The following THADA variants were observed in gnomAD, a reference collection of about 807,000 sequenced individuals.
THADA encodes THADA armadillo repeat containing.
Under a neutral mutation model 219.8 loss-of-function variants are expected in THADA, and 213 were observed. The ratio of observed to expected loss-of-function variants is 0.97; its 90% CI spans 0.87 to 1.09. The LOEUF is 1.09. THADA is among the 50% of genes least tolerant of loss of function. The pLI, the probability that THADA is intolerant of heterozygous loss-of-function variation, is 0.00. For synonymous variants in THADA, 1,018 were observed against 828.9 expected, an observed-to-expected ratio of 1.23 and a Z score of -3.92; for missense variants, 2,956 against 2,311.3, an observed-to-expected ratio of 1.28 and a Z score of -5.72.
intron 29 of THADA, among the ~76,000 whole-genome samples, chr2:43,385,503 A>C (rs1384647682): frequency 1.3e-5 from 2 of 150,388 alleles, no homozygotes; most frequent in African/African-American, 4.9e-5. Flanking sequence ...GTTACTCGGA[A>C]GTCTGAGGCA....
intron 20 of THADA, among the ~76,000 whole-genome samples, chr2:43,548,402 C>T (rs1340185701): frequency 6.6e-6 from 1 of 152,240 alleles, no homozygotes; most frequent in African/African-American, 2.4e-5. Flanking sequence ...TCAAAGCTGT[C>T]AGACAGGGAC....
chr2:43,359,570 C>T (rs1185389057), intron 29 of THADA, among the ~76,000 whole-genome samples: 1 of 152,174 alleles, frequency 6.6e-6, no homozygotes, highest in African/African-American at 2.4e-5. Context: ...ATCCCAGCTT[C>T]TTGAGAGGCT....
intron 28 of THADA, among the ~76,000 whole-genome samples, chr2:43,400,964 TCAAGCC>T (rs1674762225): frequency 6.6e-6 from 1 of 152,188 alleles, no homozygotes; most frequent in Admixed American, 6.5e-5. Flanking sequence ...AGGAAGAGTC[TCAAGCC>T]CTTCTGAAAT....
At chr2:43,257,868 G>C (rs1035105934) in intron 36 of THADA, among the ~76,000 whole-genome samples, 1 of 152,150 alleles carries the variant, frequency 6.6e-6, no homozygotes, top group Non-Finnish European at 1.5e-5. Context: ...TGAGGGTAGG[G>C]GAAAGTCACA....
At chr2:43,442,587 A>C (rs1353890782) in intron 26 of THADA, among the ~76,000 whole-genome samples, 1 of 152,254 alleles carries the variant, frequency 6.6e-6, no homozygotes, top group Non-Finnish European at 1.5e-5. Context: ...GAAGGTACAA[A>C]AATTTTTTTT....
Position 43,566,711 on chromosome 2 carries a change from AAAAACTTC to A in THADA, c.2290_2297del (p.Glu764SerfsTer16). 6.2e-7 allele frequency: 1 copy of A among 1,605,872 alleles called. No homozygotes were observed. The highest frequency in any genetic ancestry group is 8.5e-7 in the Non-Finnish European group (1 of 1,177,578). On this transcript the variant is annotated frameshift_variant, in exon 15 of 38. Coordinates refer to ENST00000405975, the MANE Select transcript of THADA (RefSeq NM_022065.5). LOFTEE classifies it high-confidence loss of function. ...TTAAACACTTACCTTCTGGGACATG[AAAAACTTC>A]AGCTATTGAACCTAAAATGGTTAAA... is the stretch of plus-strand genomic sequence containing the variant.
At chr2:43,502,877 A>C (rs1689184217) in intron 24 of THADA, among the ~76,000 whole-genome samples, 1 of 152,148 alleles carries the variant, frequency 6.6e-6, no homozygotes, top group Non-Finnish European at 1.5e-5. Context: ...CTCCTACAAA[A>C]CAAAAATGAA....
intron 26 of THADA, among the ~76,000 whole-genome samples, chr2:43,467,386 C>T (rs1303965949): frequency 6.6e-6 from 1 of 151,952 alleles, no homozygotes; most frequent in Admixed American, 6.6e-5. Context: ...AGAAAAGGGA[C>T]AATAATACTT....
rs201624246 is a variant in THADA, at chr2:43,302,734, A to AT, written c.4439-9522dup. Among the ~76,000 whole-genome samples the AT allele has an allele frequency of 4.9e-3, 746 of 152,272 alleles. 5 individuals are homozygous for AT. Among genetic ancestry groups the AT allele is most frequent in the African/African-American group, 0.017 (716 of 41,556 alleles). On this transcript the variant is annotated intron_variant, in intron 31 of 37. Coordinates refer to ENST00000405975, the MANE Select transcript of THADA (RefSeq NM_022065.5). The stretch of plus-strand genomic sequence containing the variant: ...AAAAATCATAGTGTCATCATAAAAG[A>AT]TAATTTAAAGAAATTTGTTTTTAAG...
chr2:43,474,927 C>A (rs1041128256), intron 26 of THADA, among the ~76,000 whole-genome samples: 1 of 151,834 alleles, frequency 6.6e-6, no homozygotes, highest in Non-Finnish European at 1.5e-5. Context: ...TGACCCAGAC[C>A]GCCTCATGGA....
At chr2:43,391,549 G>A (rs1201503103) in intron 29 of THADA, among the ~76,000 whole-genome samples, 2 of 152,074 alleles carry the variant, frequency 1.3e-5, no homozygotes, top group African/African-American at 4.8e-5. Context: ...CTTATATCCA[G>A]AAAGGAATAT....
intron 22 of THADA, among the ~76,000 whole-genome samples, chr2:43,524,544 C>G (rs1315316214): frequency 2.6e-5 from 4 of 152,160 alleles, no homozygotes; most frequent in African/African-American, 9.7e-5. Context: ...TATGCCTAAA[C>G]AACTTTTTCA....
At chr2:43,591,287 T>A (rs1230222938) in intron 3 of THADA, among the ~76,000 whole-genome samples, 1 of 152,194 alleles carries the variant, frequency 6.6e-6, no homozygotes, top group African/African-American at 2.4e-5. Context: ...ATCACACCAG[T>A]GCACTCCAGC....
At position 43,383,107 on chromosome 2, in the gene THADA, G is replaced by A. The variant is rs1672238042; in HGVS notation, c.4227+14864C>T. 2.6e-5 allele frequency among the ~76,000 whole-genome samples: 4 copies of A among 152,108 alleles called. No individual in the cohort carries two copies. The South Asian group carries it at 8.3e-4, about 31-fold the overall frequency. On this transcript the variant is annotated intron_variant, in intron 29 of 37. Coordinates refer to ENST00000405975, the MANE Select transcript of THADA (RefSeq NM_022065.5). Reference sequence around the variant, plus strand: ...CACCATGTATGAACACTTATGGGATGGGACTAAAATGGCATTAAATGAGCA... The same window carrying A: ...CACCATGTATGAACACTTATGGGATAGGACTAAAATGGCATTAAATGAGCA...
intron 28 of THADA, among the ~76,000 whole-genome samples, chr2:43,419,278 A>G (rs1200101799): frequency 6.6e-6 from 1 of 152,242 alleles, no homozygotes; most frequent in Non-Finnish European, 1.5e-5. Context: ...GAGAATGTCT[A>G]TAACTGGTTG....
At chr2:43,453,051 C>G (rs1682549188) in intron 26 of THADA, among the ~76,000 whole-genome samples, 1 of 152,160 alleles carries the variant, frequency 6.6e-6, no homozygotes, top group Non-Finnish European at 1.5e-5. Context: ...TGTGAACACT[C>G]AGGCTGAGAC....
intron 36 of THADA, among the ~76,000 whole-genome samples, chr2:43,233,981 C>T (rs1383998413): frequency 1.3e-5 from 2 of 152,142 alleles, no homozygotes; most frequent in Non-Finnish European, 2.9e-5. Context: ...ACCATCTGGC[C>T]CCCGAAAGAC....
At chr2:43,374,796 C>T (rs541073994) in intron 29 of THADA, among the ~76,000 whole-genome samples, 2 of 152,024 alleles carry the variant, frequency 1.3e-5, no homozygotes, top group South Asian at 4.2e-4. Context: ...GGCGACTATA[C>T]AAATTGATTT....
chr2:43,231,187 C>T lies in THADA; in HGVS notation c.5623G>A (p.Val1875Met). 3 of 1,613,866 alleles carry T rather than the reference C, an allele frequency of 1.9e-6. No homozygotes were observed. Among genetic ancestry groups the T allele is most frequent in the Non-Finnish European group, 2.5e-6 (3 of 1,179,826 alleles). ...PEMLCHLQRM[V>M]SEQCHLLSQF... is the part of the protein sequence containing the mutation. Reference sequence around the variant, plus strand: ...GACAGGAGGTGGCACTGCTCTGACACCATCCTTTGAAGGTGACAGAGCATC... The same window carrying T: ...GACAGGAGGTGGCACTGCTCTGACATCATCCTTTGAAGGTGACAGAGCATC... The change falls in exon 38 of 38, where the codon GTG becomes ATG. Residue 1875 changes from valine to methionine, a missense_variant. By Grantham distance (21) the Val-to-Met change is conservative. Coordinates refer to ENST00000405975, the MANE Select transcript of THADA (RefSeq NM_022065.5).
Sources: gnomAD v4.1 joint callset for allele counts (sites outside exome capture counted in the v4.1 genomes callset) on GRCh38, gnomAD v4.1.1 for gene constraint, MANE v1.5 for transcripts, NCBI Gene and HGNC (gene_info 2026-07-23, HGNC 2026-07-21) for gene names.